The following DUSP7 variants were observed in gnomAD, a reference collection of about 807,000 sequenced individuals.
DUSP7 encodes dual specificity phosphatase 7, also known as dual specificity protein phosphatase 7.
In DUSP7, 7 loss-of-function variants were observed where a neutral mutation model predicts 29.8. That is an observed-to-expected ratio of 0.24 (90% CI 0.13 to 0.44). The LOEUF (loss-of-function observed/expected upper bound fraction) is 0.44, where lower values mean the gene tolerates loss of function less well. Ranked by LOEUF, DUSP7 falls within the 20% of genes least tolerant of loss-of-function variation. DUSP7 has a pLI of 1.00. For synonymous variants in DUSP7, 287 were observed against 275.4 expected (o/e 1.04, Z -0.42); for missense variants, 400 against 583.7 (o/e 0.69, Z 3.24).
chr3:52,050,650 C>A lies in DUSP7; in HGVS notation c.*165G>T. On this transcript the variant is annotated 3_prime_UTR_variant, in exon 3 of 3. Transcript: ENST00000495880. This position sits in a 1 kb window ranked among gnomAD's most constrained non-coding sequence, Gnocchi z 5.0. ...GGGAGACCTTGCCTGCGGGCCCTGCCCCCAAGGATGGTGAGGGGCGCTCCG... is the reference window on the plus strand; with the variant it reads ...GGGAGACCTTGCCTGCGGGCCCTGCACCCAAGGATGGTGAGGGGCGCTCCG... 1.2e-6 allele frequency: 1 copy of A among 829,002 alleles called. No homozygotes were observed. Among genetic ancestry groups the A allele is most frequent in the African/African-American group, 1.7e-5 (1 of 57,902 alleles). The allele number at this position is 829,002 out of a possible 1,614,324, so 51.4% of individuals were successfully genotyped here. A position where few individuals can be genotyped will look rare whatever the true frequency, so the allele number is the denominator to read the frequency against.
At position 52,054,275 on chromosome 3, in the gene DUSP7, C is replaced by A; in HGVS notation, c.617G>T (p.Gly206Val). 6.2e-7 allele frequency: 1 copy of A among 1,604,592 alleles called. No homozygotes were observed. The highest frequency in any genetic ancestry group is 1.1e-5 in the South Asian group (1 of 89,838). Residue 206 changes from glycine to valine, a missense_variant, in exon 2 of 3, where the codon GGC (glycine) becomes GTC (valine). Transcript: ENST00000495880. The surrounding 1 kb of genome is among the most constrained non-coding windows in gnomAD (Gnocchi z 4.1). ...AGAGCTGATGCGCAGGCCCCCCAGGCCCAGCACTGAGGTGGGTGGCGAGCT... is the reference window on the plus strand; with the variant it reads ...AGAGCTGATGCGCAGGCCCCCCAGGACCAGCACTGAGGTGGGTGGCGAGCT... The part of the protein sequence containing the change: ...PSSSPPTSVL[G>V]LGGLRISSDC...
Position 52,049,168 on chromosome 3 carries a change from G to C in DUSP7, c.*1647C>G, listed in dbSNP as rs1025182335. ...ACCATGTACAGCATGGAAGCTTGTTGTCAATTTCTCGACTGTGGCAAGATT... is the reference window on the plus strand; with the variant it reads ...ACCATGTACAGCATGGAAGCTTGTTCTCAATTTCTCGACTGTGGCAAGATT... On this transcript the variant is annotated 3_prime_UTR_variant, in exon 3 of 3. Coordinates refer to ENST00000495880, the MANE Select transcript of DUSP7 (RefSeq NM_001947.4). 1 of 152,210 alleles carries C rather than the reference G, an allele frequency of 6.6e-6. No homozygotes were observed. Among genetic ancestry groups the C allele is most frequent in the Non-Finnish European group, 1.5e-5 (1 of 68,052 alleles). The allele number at this position is 152,210 out of a possible 1,614,324, so 9.4% of individuals were successfully genotyped here. A position where few individuals can be genotyped will look rare whatever the true frequency, so the allele number is the denominator to read the frequency against.
In DUSP7 at chr3:52,055,738, T is replaced by C. The variant is rs372125431; in HGVS notation, c.517+112A>G. ...GGGCGGATGCGGGCCGGGGACGACGTGGCGCCCAGAGGGGCAGGCCGAGCG... is the reference window on the plus strand; with the variant it reads ...GGGCGGATGCGGGCCGGGGACGACGCGGCGCCCAGAGGGGCAGGCCGAGCG... On this transcript the variant is annotated intron_variant, in intron 1 of 2. Transcript: ENST00000495880. 4 of 1,307,660 alleles carry C rather than the reference T, an allele frequency of 3.1e-6. No homozygotes were observed. The South Asian group carries it at 6.5e-5, about 21-fold the overall frequency. 81.0% of individuals were successfully genotyped at this position (1,307,660 alleles called of 1,614,324 possible). A position where few individuals can be genotyped will look rare whatever the true frequency, so the allele number is the denominator to read the frequency against.
chr3:52,051,441 A>G lies in DUSP7; in HGVS notation c.953-319T>C, dbSNP rs1255841006. 6.6e-6 allele frequency among the ~76,000 whole-genome samples: 1 copy of G among 152,322 alleles called. No individual in the cohort carries two copies. Among genetic ancestry groups the G allele is most frequent in the East Asian group, 1.9e-4 (1 of 5,186 alleles). On this transcript the variant is annotated intron_variant, in intron 2 of 2. Transcript: ENST00000495880. This position sits in a 1 kb window ranked among gnomAD's most constrained non-coding sequence, Gnocchi z 4.8. ...GCCAAGTGAGGGGTCAACAAACATG[A>G]ACTACTGTAATGCCTGTGATCATGG...
chr3:52,055,981 T>C lies in DUSP7; in HGVS notation c.386A>G (p.Lys129Arg), dbSNP rs571458726. Residue 129 changes from lysine (K) to arginine (R), a missense_variant, in exon 1 of 3, where the codon AAG (lysine) becomes AGG (arginine). Physicochemically the swap from Lys to Arg is conservative, Grantham distance 26. This residue lies in a region of DUSP7 where 223 missense variants were observed against 360.9 expected (regional missense o/e 0.62). Transcript: ENST00000495880. ...ADKERFATRCKAATVLLYDEA... is the reference protein window; with the variant it reads ...ADKERFATRCRAATVLLYDEA... ...GTCGTAGAGCAGCACGGTGGCCGCC[T>C]TGCAGCGCGTGGCGAAGCGCTCCTT... 1.0e-5 allele frequency: 16 copies of C among 1,579,232 alleles called. No individual in the cohort carries two copies. The South Asian group carries it at 1.5e-4, about 15-fold the overall frequency.
chr3:52,055,570 C>T (rs1701893084), intron 1 of DUSP7, among the ~76,000 whole-genome samples: 1 of 152,186 alleles, frequency 6.6e-6, no homozygotes, highest in Non-Finnish European at 1.5e-5. Flanking sequence ...AGCCCAGGCA[C>T]TACTGTCGCC....
Position 52,049,753 on chromosome 3 carries a change from GGAGAGAGAGAAA to G in DUSP7, c.*1050_*1061del, listed in dbSNP as rs1701827884. ...GAGAGAGAAAGAAAGAGAGAGAGAG[GGAGAGAGAGAAA>G]GAGAGAGAGGGAGAGGAAGAGAGAG... is the stretch of plus-strand genomic sequence containing the variant. On this transcript the variant is annotated 3_prime_UTR_variant, in exon 3 of 3. Coordinates refer to ENST00000495880, the MANE Select transcript of DUSP7 (RefSeq NM_001947.4). 1 of 151,534 alleles carries G rather than the reference GGAGAGAGAGAAA, an allele frequency of 6.6e-6. No individual in the cohort carries two copies. 9.4% of individuals were successfully genotyped at this position (151,534 alleles called of 1,614,324 possible). A position where few individuals can be genotyped will look rare whatever the true frequency, so the allele number is the denominator to read the frequency against.
chr3:52,055,788 G>T (rs1701894750), intron 1 of DUSP7, 62 bp downstream of exon 1: 2 of 1,465,720 alleles, frequency 1.4e-6, no homozygotes, highest in South Asian at 1.4e-5. Context: ...CGCCTCCAAG[G>T]GGGGCGTCAG....
At chr3:52,055,747 G>C (rs1441503892) in intron 1 of DUSP7, 103 bp downstream of exon 1, 59 of 1,357,280 alleles carry the variant, frequency 4.3e-5, no homozygotes, top group Middle Eastern at 2.7e-4. Flanking sequence ...GTGGCGCCCA[G>C]AGGGGCAGGC....
In DUSP7 at chr3:52,053,912, A is replaced by AC. The variant is rs531622451; in HGVS notation, c.952+27dup. On this transcript the variant is annotated intron_variant, in intron 2 of 2. Transcript: ENST00000495880. This position sits in a 1 kb window ranked among gnomAD's most constrained non-coding sequence, Gnocchi z 4.6. ...CCTGCATACACCTTGATGCACCCACACCCCCCTGCCCAGCACACAGCACCT... is the reference window on the plus strand; with the variant it reads ...CCTGCATACACCTTGATGCACCCACACCCCCCCTGCCCAGCACACAGCACCT... 2 of 1,612,938 alleles carry AC rather than the reference A, an allele frequency of 1.2e-6. No individual in the cohort carries two copies. Among genetic ancestry groups the AC allele is most frequent in the Non-Finnish European group, 1.7e-6 (2 of 1,179,540 alleles).
chr3:52,056,158 G>T lies in DUSP7; in HGVS notation c.209C>A (p.Ala70Glu). Reference sequence around the variant, plus strand: ...CCGGCAGTCGAGCAGCAGCAAGGACGCGCCGCCGCGCGCCTCCAGCTCCTC... The same window carrying T: ...CCGGCAGTCGAGCAGCAGCAAGGACTCGCCGCCGCGCGCCTCCAGCTCCTC... ...LQEELEARGG[A>E]SLLLLDCRPH... is the part of the protein sequence containing the mutation. Residue 70 changes from alanine to glutamate, a missense_variant, in exon 1 of 3, where the codon GCG (alanine) becomes GAG (glutamate). Physicochemically the swap from Ala to Glu is moderately radical, Grantham distance 107. Around this residue, in one of 4 missense-constraint regions of DUSP7, gnomAD observed 223 missense variants for 360.9 expected, o/e 0.62. Coordinates refer to ENST00000495880, the MANE Select transcript of DUSP7 (RefSeq NM_001947.4). The surrounding 1 kb of genome is among the most constrained non-coding windows in gnomAD (Gnocchi z 6.4). 6.3e-7 allele frequency: 1 copy of T among 1,591,644 alleles called. No individual in the cohort carries two copies.
At position 52,050,585 on chromosome 3, in the gene DUSP7, C is replaced by T. The variant is rs1022560124; in HGVS notation, c.*230G>A. On this transcript the variant is annotated 3_prime_UTR_variant, in exon 3 of 3. Coordinates refer to ENST00000495880, the MANE Select transcript of DUSP7 (RefSeq NM_001947.4). This position sits in a 1 kb window ranked among gnomAD's most constrained non-coding sequence, Gnocchi z 5.0. ...AGGCCCTGGTGGACGCCCAAAGCCACGTGTCCAAGAGCCGAGGCCTCTCCA... is the reference window on the plus strand; with the variant it reads ...AGGCCCTGGTGGACGCCCAAAGCCATGTGTCCAAGAGCCGAGGCCTCTCCA... 5 of 532,656 alleles carry T rather than the reference C, an allele frequency of 9.4e-6. No homozygotes were observed. Among genetic ancestry groups the T allele is most frequent in the South Asian group, 2.7e-5 (1 of 37,108 alleles). 33.0% of individuals were successfully genotyped at this position (532,656 alleles called of 1,614,324 possible). A position where few individuals can be genotyped will look rare whatever the true frequency, so the allele number is the denominator to read the frequency against.
rs1577765787 is a variant in DUSP7 at position 52,050,586 on chromosome 3, G to A, written c.*229C>T. ...GGCCCTGGTGGACGCCCAAAGCCACGTGTCCAAGAGCCGAGGCCTCTCCAG... is the reference window on the plus strand; with the variant it reads ...GGCCCTGGTGGACGCCCAAAGCCACATGTCCAAGAGCCGAGGCCTCTCCAG... On this transcript the variant is annotated 3_prime_UTR_variant, in exon 3 of 3. Transcript: ENST00000495880. The surrounding 1 kb of genome is among the most constrained non-coding windows in gnomAD (Gnocchi z 5.0). The A allele has an allele frequency of 3.8e-6, 2 of 530,986 alleles. No individual in the cohort carries two copies. The highest frequency in any genetic ancestry group is 6.6e-6 in the Non-Finnish European group (2 of 303,462). 32.9% of individuals were successfully genotyped at this position (530,986 alleles called of 1,614,324 possible).
chr3:52,051,194 G>A lies in DUSP7; in HGVS notation c.953-72C>T. 6.6e-7 allele frequency: 1 copy of A among 1,510,930 alleles called. No homozygotes were observed. Among genetic ancestry groups the A allele is most frequent in the Non-Finnish European group, 8.9e-7 (1 of 1,123,456 alleles). 93.6% of individuals were successfully genotyped at this position (1,510,930 alleles called of 1,614,324 possible). ...CTTCCCACATGGGTGGGCAGGTGGG[G>A]CTGGGGCACAGAGGGCAGCATGGTG... is the stretch of plus-strand genomic sequence containing the variant. On this transcript the variant is annotated intron_variant, in intron 2 of 2. Coordinates refer to ENST00000495880, the MANE Select transcript of DUSP7 (RefSeq NM_001947.4). This position sits in a 1 kb window ranked among gnomAD's most constrained non-coding sequence, Gnocchi z 4.8.
chr3:52,053,803 C>T lies in DUSP7; in HGVS notation c.952+137G>A, dbSNP rs573660850. 41 of 968,250 alleles carry T rather than the reference C, an allele frequency of 4.2e-5. No homozygotes were observed. The African/African-American group carries it at 6.0e-4, about 14-fold the overall frequency. 60.0% of individuals were successfully genotyped at this position (968,250 alleles called of 1,614,324 possible). On this transcript the variant is annotated intron_variant, in intron 2 of 2. Coordinates refer to ENST00000495880, the MANE Select transcript of DUSP7 (RefSeq NM_001947.4). This position sits in a 1 kb window ranked among gnomAD's most constrained non-coding sequence, Gnocchi z 4.6. Reference sequence around the variant, plus strand: ...CTCACAGTAGGCCTGGGTACACCCACGGGCACACGCTGGCACACGTAGGGC... The same window carrying T: ...CTCACAGTAGGCCTGGGTACACCCATGGGCACACGCTGGCACACGTAGGGC...
chr3:52,055,011 C>T (rs1022492772), intron 1 of DUSP7, among the ~76,000 whole-genome samples: 1 of 152,164 alleles, frequency 6.6e-6, no homozygotes, highest in African/African-American at 2.4e-5. Context: ...TAGAACCCTC[C>T]CTTAGAACAC....
rs937280078 is a variant in DUSP7 at position 52,051,347 on chromosome 3, G to T, written c.953-225C>A. Among the ~76,000 whole-genome samples the T allele has an allele frequency of 6.6e-6, 1 of 152,224 alleles. No homozygotes were observed. Among genetic ancestry groups the T allele is most frequent in the Admixed American group, 6.5e-5 (1 of 15,292 alleles). On this transcript the variant is annotated intron_variant, in intron 2 of 2. Coordinates refer to ENST00000495880, the MANE Select transcript of DUSP7 (RefSeq NM_001947.4). This position sits in a 1 kb window ranked among gnomAD's most constrained non-coding sequence, Gnocchi z 4.8. ...TGCACACTTTAGCCCCAAGGCACTG[G>T]ACACCCGTGTCTGTTTCCTCATCTA...
chr3:52,056,160 G>C lies in DUSP7; in HGVS notation c.207C>G (p.Gly69=). Residue 69 remains glycine (G), a synonymous_variant, in exon 1 of 3, where the codon GGC becomes GGG. Transcript: ENST00000495880. This position sits in a 1 kb window ranked among gnomAD's most constrained non-coding sequence, Gnocchi z 6.4. Reference sequence around the variant, plus strand: ...GGCAGTCGAGCAGCAGCAAGGACGCGCCGCCGCGCGCCTCCAGCTCCTCCT... The same window carrying C: ...GGCAGTCGAGCAGCAGCAAGGACGCCCCGCCGCGCGCCTCCAGCTCCTCCT... ...WLQEELEARG[G]ASLLLLDCRP... 1 of 1,591,196 alleles carries C rather than the reference G, an allele frequency of 6.3e-7. No homozygotes were observed. The highest frequency in any genetic ancestry group is 1.3e-5 in the African/African-American group (1 of 74,812).
rs1395424956 is a variant in DUSP7 at position 52,051,005 on chromosome 3, G to A, written c.1070C>T (p.Ala357Val). Residue 357 changes from alanine to valine, a missense_variant, in exon 3 of 3, where the codon GCC becomes GTC. Physicochemically the swap from Ala to Val is moderately conservative, Grantham distance 64. This residue lies in a region of DUSP7 where 75 missense variants were observed against 95.0 expected (regional missense o/e 0.79). Transcript: ENST00000495880. The surrounding 1 kb of genome is among the most constrained non-coding windows in gnomAD (Gnocchi z 4.8). ...MQKMNLSLND[A>V]YDFVKRKKSN... Reference sequence around the variant, plus strand: ...CTTTTTCCTCTTGACAAAGTCGTAGGCGTCGTTGAGTGACAGGTTCATCTT... The same window carrying A: ...CTTTTTCCTCTTGACAAAGTCGTAGACGTCGTTGAGTGACAGGTTCATCTT... 6.2e-7 allele frequency: 1 copy of A among 1,614,272 alleles called. No homozygotes were observed. Among genetic ancestry groups the A allele is most frequent in the Non-Finnish European group, 8.5e-7 (1 of 1,180,044 alleles).
Sources: gnomAD v4.1 joint callset for allele counts (sites outside exome capture counted in the v4.1 genomes callset) on GRCh38, gnomAD v4.1.1 for gene constraint, gnomAD v4.1.1 regional missense constraint, Gnocchi (gnomAD v3.1) non-coding constraint, MANE v1.5 for transcripts, NCBI Gene and HGNC (gene_info 2026-07-23, HGNC 2026-07-21) for gene names.